B3GALT1: variants seen among roughly 807,000 people sequenced by gnomAD.
B3GALT1 encodes the protein UDP-Gal:betaGlcNAc beta 1,3-galactosyltransferase, polypeptide 1.
B3GALT1 carries 10 observed loss-of-function variants against 23.2 expected under a neutral mutation model. The ratio of observed to expected loss-of-function variants is 0.43; its 90% CI spans 0.27 to 0.73. B3GALT1 has a LOEUF of 0.73. Ranked by LOEUF, B3GALT1 falls within the 30% of genes least tolerant of loss-of-function variation. The pLI is 0.21. For synonymous variants in B3GALT1, 156 were observed against 141.5 expected (o/e 1.10, Z -0.73); for missense variants, 299 against 405.4 (o/e 0.74, Z 2.25).
chr2:167,447,467 C>G (rs900373597), intron 1 of B3GALT1, among the ~76,000 whole-genome samples: 1 of 152,206 alleles, frequency 6.6e-6, no homozygotes, highest in African/African-American at 2.4e-5. Flanking sequence ...GAGGTGGAGT[C>G]TACAGAGGCA....
chr2:167,866,402 G>C (rs1015544521), intron 4 of B3GALT1, among the ~76,000 whole-genome samples: 4 of 152,108 alleles, frequency 2.6e-5, no homozygotes, highest in Admixed American at 2.6e-4. Flanking sequence ...TAGTCTAGCA[G>C]TTTCTTAAGG....
In B3GALT1 at chr2:167,372,432, A is replaced by T. The variant is rs578151770; in HGVS notation, c.-511+79098A>T. 6.6e-5 allele frequency among the ~76,000 whole-genome samples: 10 copies of T among 152,226 alleles called. No homozygotes were observed. The South Asian group carries it at 1.9e-3, about 28-fold the overall frequency. Reference sequence around the variant, plus strand: ...TGAACTATTAGATGATTTTCCTAAGATTGGAGATGAAGCCCAGAGGCCCCC... The same window carrying T: ...TGAACTATTAGATGATTTTCCTAAGTTTGGAGATGAAGCCCAGAGGCCCCC... On this transcript the variant is annotated intron_variant, in intron 1 of 4. Coordinates refer to ENST00000392690, the MANE Select transcript of B3GALT1 (RefSeq NM_020981.4).
intron 3 of B3GALT1, chr2:167,714,834 A>C (rs2105521773): frequency 6.2e-7 from 1 of 1,610,860 alleles, no homozygotes; most frequent in Non-Finnish European, 8.5e-7. Context: ...AGCTTCTCTT[A>C]TTCCTCTATC....
chr2:167,690,469 A>C (rs549598755), intron 3 of B3GALT1, among the ~76,000 whole-genome samples: 36 of 152,252 alleles, frequency 2.4e-4, no homozygotes, highest in African/African-American at 8.2e-4. Flanking sequence ...AAAAAACATA[A>C]TTGTCATTGT....
intron 3 of B3GALT1, among the ~76,000 whole-genome samples, chr2:167,652,364 C>A (rs2105465192): frequency 6.6e-6 from 1 of 152,236 alleles, no homozygotes; most frequent in African/African-American, 2.4e-5. Flanking sequence ...TGCCACTATC[C>A]CACTGTGACA....
chr2:167,337,010 A>G (rs563816910), intron 1 of B3GALT1, among the ~76,000 whole-genome samples: 15 of 152,152 alleles, frequency 9.9e-5, no homozygotes, highest in Non-Finnish European at 1.6e-4. Context: ...CGAGGATTAC[A>G]TGCCCTCCTT....
In B3GALT1 at chr2:167,813,035, T is replaced by A. The variant is rs559689547; in HGVS notation, c.-351-5637T>A. ...AGTTCAGGGTCCCTCTGTTTTTTAT[T>A]ATCTCCATTACTGTACTTTATTATC... On this transcript the variant is annotated intron_variant, in intron 3 of 4. Coordinates refer to ENST00000392690, the MANE Select transcript of B3GALT1 (RefSeq NM_020981.4). 3.8e-3 allele frequency among the ~76,000 whole-genome samples: 559 copies of A among 146,356 alleles called. 5 individuals are homozygous for A. The highest frequency in any genetic ancestry group is 0.018 in the Middle Eastern group (5 of 276).
At chr2:167,654,615 T>C (rs907887814) in intron 3 of B3GALT1, among the ~76,000 whole-genome samples, 6 of 151,994 alleles carry the variant, frequency 3.9e-5, no homozygotes, top group Non-Finnish European at 7.4e-5. Context: ...TGCCTCAGCC[T>C]CCCAAGTAGC....
At chr2:167,811,876 A>G (rs1209343963) in intron 3 of B3GALT1, among the ~76,000 whole-genome samples, 1 of 152,184 alleles carries the variant, frequency 6.6e-6, no homozygotes, top group Non-Finnish European at 1.5e-5. Context: ...TCAAGATGCC[A>G]TCCTTTAAAT....
At chr2:167,800,022 G>A (rs1688610957) in intron 3 of B3GALT1, among the ~76,000 whole-genome samples, 1 of 152,102 alleles carries the variant, frequency 6.6e-6, no homozygotes, top group Non-Finnish European at 1.5e-5. Context: ...CTTCACCAGA[G>A]CAAGGATTTT....
intron 2 of B3GALT1, among the ~76,000 whole-genome samples, chr2:167,531,298 C>T (rs1191845436): frequency 6.6e-6 from 1 of 151,980 alleles, no homozygotes; most frequent in Non-Finnish European, 1.5e-5. Context: ...GTGGAGTTGG[C>T]AGGGGAAAAG....
chr2:167,364,389 A>G (rs2105265136), intron 1 of B3GALT1, among the ~76,000 whole-genome samples: 1 of 151,586 alleles, frequency 6.6e-6, no homozygotes, highest in Non-Finnish European at 1.5e-5. Flanking sequence ...GTACATGTGC[A>G]CAACGTGCAG....
intron 2 of B3GALT1, among the ~76,000 whole-genome samples, chr2:167,605,908 A>G (rs1420923699): frequency 6.6e-6 from 1 of 152,160 alleles, no homozygotes. Context: ...GTATAACTCT[A>G]TCTCCATTGC....
intron 1 of B3GALT1, among the ~76,000 whole-genome samples, chr2:167,410,983 G>A (rs1698381705): frequency 6.6e-6 from 1 of 151,448 alleles, no homozygotes; most frequent in African/African-American, 2.4e-5. Flanking sequence ...TTAAGAAAAA[G>A]GAGCATATAT....
chr2:167,673,382 A>G (rs1052563074), intron 3 of B3GALT1, among the ~76,000 whole-genome samples: 3 of 152,186 alleles, frequency 2.0e-5, no homozygotes, highest in African/African-American at 7.2e-5. Flanking sequence ...TTCTAAAGAT[A>G]GAAAAGGCAG....
At chr2:167,731,885 A>G (rs7581552) in intron 3 of B3GALT1, among the ~76,000 whole-genome samples, 27,196 of 151,988 alleles carry the variant, frequency 0.18, 2,711 homozygotes, top group East Asian at 0.39. Context: ...CCAACTATTA[A>G]TTGTCTTTTC....
intron 1 of B3GALT1, among the ~76,000 whole-genome samples, chr2:167,411,637 T>C (rs1368830689): frequency 6.6e-6 from 1 of 152,176 alleles, no homozygotes; most frequent in Non-Finnish European, 1.5e-5. Flanking sequence ...TTAGTACAGC[T>C]ACTATCAACT....
At chr2:167,507,537 T>C (rs1311758651) in intron 2 of B3GALT1, among the ~76,000 whole-genome samples, 1 of 102,546 alleles carries the variant, frequency 9.8e-6, no homozygotes, top group Non-Finnish European at 2.1e-5. Context: ...AAAAGTAGAA[T>C]AAGATAAAGG....
At chr2:167,704,655 T>C (rs1251614966) in intron 3 of B3GALT1, among the ~76,000 whole-genome samples, 1 of 152,212 alleles carries the variant, frequency 6.6e-6, no homozygotes, top group Non-Finnish European at 1.5e-5. Context: ...AAGTGGGTAG[T>C]TCCAGAGAGA....
Sources: gnomAD v4.1 joint callset for allele counts (sites outside exome capture counted in the v4.1 genomes callset) on GRCh38, gnomAD v4.1.1 for gene constraint, MANE v1.5 for transcripts, NCBI Gene and HGNC (gene_info 2026-07-23, HGNC 2026-07-21) for gene names.